The following UTRN variants were observed in gnomAD, a reference collection of about 807,000 sequenced individuals.
UTRN encodes the protein dystrophin-related protein 1.
In UTRN, 283 loss-of-function variants were observed where a neutral mutation model predicts 463.9. The ratio of observed to expected loss-of-function variants is 0.61; its 90% confidence interval spans 0.55 to 0.67. UTRN has a LOEUF of 0.67. UTRN is among the 30% of genes least tolerant of loss of function. The probability of loss-of-function intolerance (pLI) is 0.00; values close to 1 mark genes in which losing one functional copy is unlikely to be tolerated. For synonymous variants in UTRN, 1,442 were observed against 1,431.5 expected, an observed-to-expected ratio of 1.01 and a Z score of -0.17; for missense variants, 3,922 against 4,084.3, an observed-to-expected ratio of 0.96 and a Z score of 1.08.
At chr6:144,577,060 G>T in intron 50 of UTRN, 39 bp from the exon 51 acceptor site, 1 of 1,592,408 alleles carries the variant, frequency 6.3e-7, no homozygotes. Context: ...TCACAACACT[G>T]TAAGTAATGG....
At chr6:144,675,120 T>A (rs9386075) in intron 51 of UTRN, among the ~76,000 whole-genome samples, 1 of 152,212 alleles carries the variant, frequency 6.6e-6, no homozygotes, top group Non-Finnish European at 1.5e-5. Flanking sequence ...CACGGGCTAC[T>A]GTTCAGATTC....
chr6:144,534,207 C>T (rs1797328836), intron 43 of UTRN, among the ~76,000 whole-genome samples: 3 of 152,002 alleles, frequency 2.0e-5, no homozygotes, highest in African/African-American at 4.8e-5. Context: ...ATAATTAGTA[C>T]GTTTTGGTTG....
rs554507018 is a variant in UTRN at position 144,430,171 on chromosome 6, G to A, written c.855+430G>A. Among the ~76,000 whole-genome samples the A allele has an allele frequency of 2.6e-5, 4 of 151,990 alleles. No homozygotes were observed. The South Asian group carries it at 8.3e-4, about 32-fold the overall frequency. On this transcript the variant is annotated intron_variant, in intron 9 of 74. Transcript: ENST00000367545. ...TTTTTTCCATTATATATCTCACAAG[G>A]GCTATCAAAATGTAAGCCTTATTTT...
intron 74 of UTRN, 107 bp from the exon 75 acceptor site, chr6:144,850,877 AGAGTT>A (rs1586827234): frequency 1.4e-6 from 2 of 1,428,460 alleles, no homozygotes; most frequent in East Asian, 2.3e-5. Flanking sequence ...AAGTCACAGT[AGAGTT>A]AAGACTCTTG....
chr6:144,782,907 A>G (rs1775969276), intron 61 of UTRN, among the ~76,000 whole-genome samples: 1 of 152,168 alleles, frequency 6.6e-6, no homozygotes, highest in African/African-American at 2.4e-5. Flanking sequence ...TAAGAAAACT[A>G]GAACTGGGCT....
At chr6:144,381,559 C>G (rs1285423007) in intron 2 of UTRN, among the ~76,000 whole-genome samples, 1 of 152,146 alleles carries the variant, frequency 6.6e-6, no homozygotes, top group Non-Finnish European at 1.5e-5. Flanking sequence ...CTTGAATTCC[C>G]AGGTATTATG....
Position 144,803,145 on chromosome 6 carries a change from C to G in UTRN, c.9355C>G (p.Pro3119Ala), listed in dbSNP as rs1777845739. Residue 3119 changes from proline (P) to alanine (A), a missense_variant and splice_region_variant, in exon 65 of 75, where the codon CCT becomes GCT. Pro to Ala is a conservative substitution (Grantham distance 27). Coordinates refer to ENST00000367545, the MANE Select transcript of UTRN (RefSeq NM_007124.3). ...TTACCCAATGGTGGAATATTGTATA[C>G]CTGTGAGTACTAACCCACTGTTTTG... Reference protein sequence around the residue: ...LHYPMVEYCIPTTSGEDVRDF... With the variant: ...LHYPMVEYCIATTSGEDVRDF... 1 of 1,531,242 alleles carries G rather than the reference C, an allele frequency of 6.5e-7. No individual in the cohort carries two copies. Among genetic ancestry groups the G allele is most frequent in the African/African-American group, 1.4e-5 (1 of 71,802 alleles). The allele number at this position is 1,531,242 out of a possible 1,614,324, so 94.9% of individuals were successfully genotyped here. A position where few individuals can be genotyped will look rare whatever the true frequency, so the allele number is the denominator to read the frequency against.
At chr6:144,469,141 A>C (rs938169949) in intron 23 of UTRN, among the ~76,000 whole-genome samples, 4 of 152,186 alleles carry the variant, frequency 2.6e-5, no homozygotes, top group African/African-American at 9.6e-5. Flanking sequence ...CATTTGAAAC[A>C]GTTACTTTGA....
intron 51 of UTRN, among the ~76,000 whole-genome samples, chr6:144,623,824 TG>T (rs1775681074): frequency 6.6e-6 from 1 of 152,212 alleles, no homozygotes; most frequent in African/African-American, 2.4e-5. Flanking sequence ...GGTAGGGGAC[TG>T]AAAGACAGGA....
chr6:144,726,610 A>G (rs1787906979), intron 53 of UTRN, among the ~76,000 whole-genome samples: 1 of 152,228 alleles, frequency 6.6e-6, no homozygotes, highest in Non-Finnish European at 1.5e-5. Flanking sequence ...TCTTTTGCAT[A>G]GTAGAAGGTG....
At chr6:144,450,160 C>G (rs1562418123) in intron 17 of UTRN, among the ~76,000 whole-genome samples, 1 of 152,220 alleles carries the variant, frequency 6.6e-6, no homozygotes, top group Admixed American at 6.5e-5. Context: ...CGACTCGTCT[C>G]TCTTTAATGC....
chr6:144,847,084 C>T (rs1429806078), intron 74 of UTRN, among the ~76,000 whole-genome samples: 1 of 152,134 alleles, frequency 6.6e-6, no homozygotes, highest in Non-Finnish European at 1.5e-5. Context: ...TTATGTGCTA[C>T]ATAAAGTCAC....
At position 144,547,332 on chromosome 6, in the gene UTRN, T is replaced by A. The variant is rs184559307; in HGVS notation, c.6596-1308T>A. On this transcript the variant is annotated intron_variant, in intron 46 of 74. Transcript: ENST00000367545. Reference sequence around the variant, plus strand: ...CATCTCCTTTCATCTTTCAAAGGCTTTTAAAATCTTTACTTATGGTGCTCT... The same window carrying A: ...CATCTCCTTTCATCTTTCAAAGGCTATTAAAATCTTTACTTATGGTGCTCT... Among the ~76,000 whole-genome samples, 72 of 152,344 alleles carry A rather than the reference T, an allele frequency of 4.7e-4. 1 individual carries two copies. The highest frequency in any genetic ancestry group is 4.2e-3 in the Admixed American group (64 of 15,304).
chr6:144,440,969 C>T (rs1787098317), intron 13 of UTRN, among the ~76,000 whole-genome samples: 1 of 152,136 alleles, frequency 6.6e-6, no homozygotes, highest in Admixed American at 6.5e-5. Context: ...GACTTACTCA[C>T]TATCACAAGA....
chr6:144,742,095 A>G (rs1357922680), intron 54 of UTRN, among the ~76,000 whole-genome samples: 3 of 149,698 alleles, frequency 2.0e-5, no homozygotes, highest in South Asian at 2.1e-4. Context: ...TTAAAAAAAG[A>G]AAAAAAAAGA....
chr6:144,588,437 A>G (rs1802685178), intron 51 of UTRN, among the ~76,000 whole-genome samples: 1 of 152,202 alleles, frequency 6.6e-6, no homozygotes, highest in Non-Finnish European at 1.5e-5. Context: ...AAGAATAACT[A>G]ATACATTCTA....
rs747358350 is a variant in UTRN at position 144,421,881 on chromosome 6, G to A, written c.145G>A (p.Gly49Arg). 5.0e-6 allele frequency: 8 copies of A among 1,610,692 alleles called. No homozygotes were observed. The South Asian group carries it at 7.7e-5, about 16-fold the overall frequency. ...TATTTGTGTTTTTCTTTTACAGAGT[G>A]GGAAACCACCCATCAATGATATGTT... The part of the protein sequence containing the change: ...KWINARFSKS[G>R]KPPINDMFTD... The change falls in exon 4 of 75, where the codon GGG (glycine) becomes AGG (arginine). Residue 49 changes from glycine (G) to arginine (R), a missense_variant. Gly to Arg is a moderately radical substitution (Grantham distance 125, BLOSUM62 -2). Around this residue, in one of 3 missense-constraint regions of UTRN, gnomAD observed 264 missense variants for 327.9 expected, o/e 0.81. Coordinates refer to ENST00000367545, the MANE Select transcript of UTRN (RefSeq NM_007124.3).
At chr6:144,306,099 T>C (rs998399316) in intron 2 of UTRN, among the ~76,000 whole-genome samples, 7 of 152,184 alleles carry the variant, frequency 4.6e-5, no homozygotes, top group African/African-American at 1.7e-4. Flanking sequence ...AGCTGTAATA[T>C]CAGGTTACAT....
intron 57 of UTRN, 135 bp from the exon 58 acceptor site, chr6:144,757,794 C>A: frequency 1.4e-6 from 1 of 698,268 alleles, no homozygotes; most frequent in South Asian, 2.9e-5. Flanking sequence ...CCCAGTGGAT[C>A]TCATAATTAT....
Sources: gnomAD v4.1 joint callset for allele counts (sites outside exome capture counted in the v4.1 genomes callset) on GRCh38, gnomAD v4.1.1 for gene constraint, gnomAD v4.1.1 regional missense constraint, MANE v1.5 for transcripts, NCBI Gene and HGNC (gene_info 2026-07-23, HGNC 2026-07-21) for gene names.